Variants in TGFBR2 observed in about 807,000 individuals in gnomAD.
TGFBR2 encodes the protein transforming growth factor beta receptor 2, also known as TGF-beta receptor type-2.
TGFBR2 carries 18 observed loss-of-function variants against 49.0 expected under a neutral mutation model. The observed-to-expected ratio is 0.37, with a 90% CI of 0.25 to 0.54. The LOEUF is 0.54. Among genes scored for constraint, TGFBR2 ranks in the 20% least tolerant of loss-of-function variants. TGFBR2 has a pLI of 0.85. For synonymous variants in TGFBR2, 282 were observed against 275.9 expected (o/e 1.02, Z -0.22); for missense variants, 525 against 722.6 (o/e 0.73, Z 3.13).
intron 3 of TGFBR2, 38 bp from the exon 4 acceptor site, chr3:30,671,600 A>T: frequency 6.2e-7 from 1 of 1,611,086 alleles, no homozygotes; most frequent in Non-Finnish European, 8.5e-7. Context: ...TACCTACCAC[A>T]TCCAACTCCT....
intron 3 of TGFBR2, 120 bp downstream of exon 3, chr3:30,650,580 G>T: frequency 9.3e-7 from 1 of 1,074,596 alleles, no homozygotes. Flanking sequence ...TGGATTAGGA[G>T]CTCATTCAGC....
At chr3:30,644,618 A>AT (rs1698697082) in intron 1 of TGFBR2, 129 bp from the exon 2 acceptor site, 3 of 837,062 alleles carry the variant, frequency 3.6e-6, no homozygotes, top group Non-Finnish European at 6.0e-6. Context: ...TGAAGGAATT[A>AT]TTTTGCCTTT....
intron 5 of TGFBR2, among the ~76,000 whole-genome samples, chr3:30,682,310 G>T (rs748061536): frequency 1.3e-5 from 2 of 152,218 alleles, no homozygotes; most frequent in South Asian, 4.1e-4. Flanking sequence ...TTTTAAAGGA[G>T]TCAGGGCAAA....
At chr3:30,675,450 A>G (rs1699419044) in intron 5 of TGFBR2, among the ~76,000 whole-genome samples, 1 of 150,640 alleles carries the variant, frequency 6.6e-6, no homozygotes, top group South Asian at 2.1e-4. Flanking sequence ...GCAATGGCGC[A>G]ATCTCGGCTG....
At chr3:30,684,077 A>G (rs1699580395) in intron 5 of TGFBR2, among the ~76,000 whole-genome samples, 1 of 152,190 alleles carries the variant, frequency 6.6e-6, no homozygotes, top group Non-Finnish European at 1.5e-5. Flanking sequence ...ACTGGCCTCC[A>G]TGTTACATGG....
At position 30,672,198 on chromosome 3, in the gene TGFBR2, C is replaced by G; in HGVS notation, c.1015C>G (p.Arg339Gly). 6.2e-7 allele frequency: 1 copy of G among 1,612,160 alleles called. No homozygotes were observed. The highest frequency in any genetic ancestry group is 8.5e-7 in the Non-Finnish European group (1 of 1,178,264). ...AKGNLQEYLTRHVISWEDLRK... is the reference protein window; with the variant it reads ...AKGNLQEYLTGHVISWEDLRK... Reference sequence around the variant, plus strand: ...GGGCAACCTACAGGAGTACCTGACGCGGCATGTCATCAGCTGGGAGGACCT... The same window carrying G: ...GGGCAACCTACAGGAGTACCTGACGGGGCATGTCATCAGCTGGGAGGACCT... Residue 339 changes from arginine to glycine, a missense_variant, in exon 4 of 7, where the codon CGG becomes GGG. Arg to Gly is a moderately radical substitution (Grantham distance 125). Around this residue, in one of 3 missense-constraint regions of TGFBR2, gnomAD observed 376 missense variants for 478.2 expected, o/e 0.79. Transcript: ENST00000295754. The surrounding 1 kb of genome is among the most constrained non-coding windows in gnomAD (Gnocchi z 4.5).
At position 30,676,446 on chromosome 3, in the gene TGFBR2, C is replaced by A. The variant is rs1344963481; in HGVS notation, c.1396+2200C>A. On this transcript the variant is annotated intron_variant, in intron 5 of 6. Transcript: ENST00000295754. This position sits in a 1 kb window ranked among gnomAD's most constrained non-coding sequence, Gnocchi z 4.3. ...TGTTCCTTCTATATTTATTAATATG[C>A]ATTCTCCTTTAAAAAAGATCTGTCT... 2.0e-5 allele frequency among the ~76,000 whole-genome samples: 3 copies of A among 152,146 alleles called. No homozygotes were observed. The highest frequency in any genetic ancestry group is 2.9e-5 in the Non-Finnish European group (2 of 68,038).
In TGFBR2 at chr3:30,691,490, A is replaced by G. The variant is rs1196415682; in HGVS notation, c.1595A>G (p.Gln532Arg). ...GACCCAGAGGCCCGTCTCACAGCCC[A>G]GTGTGTGGCAGAACGCTTCAGTGAG... is the stretch of plus-strand genomic sequence containing the variant. ...DHDPEARLTA[Q>R]CVAERFSELE... Residue 532 changes from glutamine to arginine, a missense_variant, in exon 7 of 7, where the codon CAG becomes CGG. Coordinates refer to ENST00000295754, the MANE Select transcript of TGFBR2 (RefSeq NM_003242.6). 1.9e-6 allele frequency: 3 copies of G among 1,613,934 alleles called. No homozygotes were observed. The highest frequency in any genetic ancestry group is 1.6e-4 in the Middle Eastern group (1 of 6,062).
chr3:30,637,063 GAAAAAAA>G (rs752993282), intron 1 of TGFBR2, among the ~76,000 whole-genome samples: 1 of 99,156 alleles, frequency 1.0e-5, no homozygotes, highest in Non-Finnish European at 2.1e-5. Context: ...GACTCTGTCT[GAAAAAAA>G]AAAAAAAAAG....
chr3:30,687,238 A>C (rs1699638355), intron 5 of TGFBR2, among the ~76,000 whole-genome samples: 1 of 152,186 alleles, frequency 6.6e-6, no homozygotes, highest in African/African-American at 2.4e-5. Flanking sequence ...TCTTTATTGA[A>C]TATACCATCA....
chr3:30,658,879 C>G (rs990233869), intron 3 of TGFBR2, among the ~76,000 whole-genome samples: 1 of 152,196 alleles, frequency 6.6e-6, no homozygotes, highest in Non-Finnish European at 1.5e-5. Flanking sequence ...AATGTCGTTG[C>G]TTTACACCAT....
chr3:30,646,005 A>C (rs1575144373), intron 2 of TGFBR2, among the ~76,000 whole-genome samples: 1 of 152,354 alleles, frequency 6.6e-6, no homozygotes, highest in African/African-American at 2.4e-5. Flanking sequence ...TAAATTCATT[A>C]ATGAGATATG....
intron 1 of TGFBR2, among the ~76,000 whole-genome samples, chr3:30,613,002 C>A (rs1698057588): frequency 6.6e-6 from 1 of 151,948 alleles, no homozygotes; most frequent in Non-Finnish European, 1.5e-5. Context: ...TGCTTAGACT[C>A]TTAAGGGTTC....
At chr3:30,684,804 G>A (rs189648672) in intron 5 of TGFBR2, among the ~76,000 whole-genome samples, 46 of 152,230 alleles carry the variant, frequency 3.0e-4, no homozygotes, top group Admixed American at 2.7e-3. Flanking sequence ...AGGGATTATT[G>A]CCTTTGTCTT....
intron 1 of TGFBR2, among the ~76,000 whole-genome samples, chr3:30,634,283 G>A (rs1291412930): frequency 6.6e-6 from 1 of 152,140 alleles, no homozygotes; most frequent in Admixed American, 6.5e-5. Flanking sequence ...CAGATTTTGT[G>A]TTAGTTTCTG....
intron 1 of TGFBR2, among the ~76,000 whole-genome samples, chr3:30,613,812 G>C (rs77047324): frequency 2.3e-4 from 35 of 152,312 alleles, no homozygotes; most frequent in Non-Finnish European, 4.0e-4. Context: ...TGAGCAGTTT[G>C]CTAGCTTGAT....
chr3:30,639,297 G>A (rs1006353824), intron 1 of TGFBR2, among the ~76,000 whole-genome samples: 3 of 152,166 alleles, frequency 2.0e-5, no homozygotes, highest in East Asian at 3.9e-4. Flanking sequence ...CATTGTTGCT[G>A]TGAAGGTATG....
chr3:30,622,047 C>T (rs192895953), intron 1 of TGFBR2, among the ~76,000 whole-genome samples: 1 of 152,150 alleles, frequency 6.6e-6, no homozygotes, highest in Non-Finnish European at 1.5e-5. Context: ...TGTCTTTCTT[C>T]AGAGGTACAT....
intron 3 of TGFBR2, among the ~76,000 whole-genome samples, chr3:30,660,621 G>T (rs1699104814): frequency 1.3e-5 from 2 of 152,156 alleles, no homozygotes; most frequent in African/African-American, 4.8e-5. Flanking sequence ...GTTAGAGGAG[G>T]AGAAAAACCA....
Sources: allele counts gnomAD v4.1 joint callset (sites outside exome capture counted in the v4.1 genomes callset), GRCh38; gene constraint gnomAD v4.1.1; regional missense constraint gnomAD v4.1.1; non-coding constraint Gnocchi (gnomAD v3.1); transcripts MANE v1.5; gene names NCBI Gene and HGNC (gene_info 2026-07-23, HGNC 2026-07-21).